Variants in CXADR observed in about 807,000 individuals in gnomAD.
CXADR encodes CXADR cell adhesion molecule, also known as coxsackievirus and adenovirus receptor.
In CXADR, 20 loss-of-function variants were observed where a neutral mutation model predicts 40.3. That is an observed-to-expected ratio of 0.50 (90% CI 0.35 to 0.72). The LOEUF is 0.72. CXADR is among the 30% of genes least tolerant of loss of function. The pLI, the probability that CXADR is intolerant of heterozygous loss-of-function variation, is 0.01. For synonymous variants in CXADR, 150 were observed against 161.3 expected (o/e 0.93, Z 0.53); for missense variants, 332 against 449.1 (o/e 0.74, Z 2.36).
At chr21:17,613,244 G>C in the CXADR span, 1 of 152,186 alleles carries the variant, frequency 6.6e-6, no homozygotes, top group Non-Finnish European at 1.5e-5. Flanking sequence ...CGCGGGCTTG[G>C]TCCTTTCGGC....
the CXADR span, among the ~76,000 whole-genome samples, chr21:17,600,094 G>A: frequency 1.3e-5 from 2 of 151,728 alleles, no homozygotes; most frequent in African/African-American, 2.4e-5. Context: ...GAAGATTTTT[G>A]ATTTTTTTTA....
intron 6 of CXADR, among the ~76,000 whole-genome samples, 200 bp downstream of exon 6, chr21:17,561,676 C>T (rs1463194956): frequency 6.6e-6 from 1 of 152,194 alleles, no homozygotes; most frequent in East Asian, 1.9e-4. Flanking sequence ...GTGCCCCGCT[C>T]CCCAACCTTC....
intron 3 of CXADR, among the ~76,000 whole-genome samples, chr21:17,558,088 T>G (rs2061058959): frequency 6.6e-6 from 1 of 152,056 alleles, no homozygotes; most frequent in South Asian, 2.1e-4. Flanking sequence ...TTCCTTTTTT[T>G]TTTTTTAATT....
At position 17,513,651 on chromosome 21, in the gene CXADR, G is replaced by A. The variant is rs74763524; in HGVS notation, c.43+479G>A. 5.6e-3 allele frequency among the ~76,000 whole-genome samples: 858 copies of A among 152,342 alleles called. 31 individuals are homozygous for A. In the East Asian group the frequency reaches 0.11, roughly 19 times the overall value. On this transcript the variant is annotated intron_variant, in intron 1 of 6. Transcript: ENST00000284878. Reference sequence around the variant, plus strand: ...GCAAACGCCATTATTCAATGGACATGGAGCTGCCCGGTGCCTCGGATCGGC... The same window carrying A: ...GCAAACGCCATTATTCAATGGACATAGAGCTGCCCGGTGCCTCGGATCGGC...
chr21:17,604,243 G>A, the CXADR span: 1 of 494,218 alleles, frequency 2.0e-6, no homozygotes, highest in Non-Finnish European at 3.3e-6. Flanking sequence ...GAGTTTGAGA[G>A]CAGTCTGGCC....
At chr21:17,574,996 CACACAT>C (rs1160555036), downstream of CXADR, among the ~76,000 whole-genome samples, 16 of 7,544 alleles carry the variant, frequency 2.1e-3, no homozygotes, top group Non-Finnish European at 5.1e-3. Context: ...CATATATACA[CACACAT>C]ACATACATAC....
At chr21:17,551,655 T>TC in intron 2 of CXADR, 94 bp from the exon 3 acceptor site, 2 of 1,058,574 alleles carry the variant, frequency 1.9e-6, no homozygotes, top group South Asian at 3.2e-5. Flanking sequence ...GAGGGGGCGT[T>TC]CTGTAGCAGC....
the CXADR span, among the ~76,000 whole-genome samples, chr21:17,620,034 G>A: frequency 6.6e-6 from 1 of 152,106 alleles, no homozygotes; most frequent in African/African-American, 2.4e-5. Flanking sequence ...CTCCATATCA[G>A]CAATATCATG....
rs1206664540 is a variant in CXADR at position 17,561,325 on chromosome 21, C to A, written c.695-13C>A. 4 of 1,496,836 alleles carry A rather than the reference C, an allele frequency of 2.7e-6. No individual in the cohort carries two copies. Among genetic ancestry groups the A allele is most frequent in the African/African-American group, 1.4e-5 (1 of 70,600 alleles). The allele number at this position is 1,496,836 out of a possible 1,614,324, so 92.7% of individuals were successfully genotyped here. On this transcript the variant is annotated splice_polypyrimidine_tract_variant and intron_variant, in intron 5 of 6. Coordinates refer to ENST00000284878, the MANE Select transcript of CXADR (RefSeq NM_001338.5). ...ATGTATATATTTTTTACTATTAATT[C>A]TTCTTATTTTAGCTTCAAATAAAGC...
intron 7 of CXADR, among the ~76,000 whole-genome samples, chr21:17,589,465 G>A (rs1396530588): frequency 6.6e-6 from 1 of 151,962 alleles, no homozygotes; most frequent in Non-Finnish European, 1.5e-5. Flanking sequence ...AGATCAAAAT[G>A]TTGAAAGTAG....
the CXADR span, among the ~76,000 whole-genome samples, chr21:17,606,713 T>G: frequency 9.2e-5 from 14 of 152,278 alleles, no homozygotes; most frequent in African/African-American, 3.4e-4. Flanking sequence ...TACTTATCCA[T>G]TAACTACTCT....
downstream of CXADR, among the ~76,000 whole-genome samples, chr21:17,571,375 C>T (rs1224857002): frequency 1.3e-5 from 2 of 152,128 alleles, no homozygotes; most frequent in East Asian, 3.9e-4. Flanking sequence ...TACAGACTTT[C>T]AAGGAATCGA....
At chr21:17,513,248 T>C in intron 1 of CXADR, 76 bp downstream of exon 1, 1 of 1,260,300 alleles carries the variant, frequency 7.9e-7, no homozygotes, top group Non-Finnish European at 1.0e-6. Context: ...CCAGGAACAA[T>C]GGGGCGTGGG....
At chr21:17,533,480 A>G (rs2060704258) in intron 1 of CXADR, among the ~76,000 whole-genome samples, 2 of 152,218 alleles carry the variant, frequency 1.3e-5, no homozygotes, top group Admixed American at 6.5e-5. Flanking sequence ...TTCTACATAC[A>G]GAGTGAGTGT....
At chr21:17,543,254 G>A (rs1401622400) in intron 1 of CXADR, among the ~76,000 whole-genome samples, 1 of 152,010 alleles carries the variant, frequency 6.6e-6, no homozygotes, top group Non-Finnish European at 1.5e-5. Flanking sequence ...AGATTATTTT[G>A]TTACACATAT....
chr21:17,567,074 T>G lies in CXADR; in HGVS notation c.*1382T>G, dbSNP rs2061219419. The G allele has an allele frequency of 1.0e-6, 1 of 979,462 alleles. No homozygotes were observed. Among genetic ancestry groups the G allele is most frequent in the Non-Finnish European group, 1.2e-6 (1 of 824,670 alleles). 60.7% of individuals were successfully genotyped at this position (979,462 alleles called of 1,614,324 possible). ...GGGTTTATTGTATTTCCCTTAAGATTGTGAGGGAGTGTGGATACAGTAGAA... is the reference window on the plus strand; with the variant it reads ...GGGTTTATTGTATTTCCCTTAAGATGGTGAGGGAGTGTGGATACAGTAGAA... On this transcript the variant is annotated 3_prime_UTR_variant, in exon 7 of 7. Transcript: ENST00000284878.
At chr21:17,586,617 T>G (rs2061398421) in intron 7 of CXADR, among the ~76,000 whole-genome samples, 1 of 151,708 alleles carries the variant, frequency 6.6e-6, no homozygotes, top group Non-Finnish European at 1.5e-5. Flanking sequence ...TATAGTTTCA[T>G]AACTTACGTG....
At position 17,529,273 on chromosome 21, in the gene CXADR, C is replaced by T. The variant is rs1021836578; in HGVS notation, c.43+16101C>T. On this transcript the variant is annotated intron_variant, in intron 1 of 6. Coordinates refer to ENST00000284878, the MANE Select transcript of CXADR (RefSeq NM_001338.5). ...GTGTCGAACTCCTGACTTCGTGATT[C>T]ACCCGCCTCGGCCTTCCAAAGTGCT... is the stretch of plus-strand genomic sequence containing the variant. 7.2e-5 allele frequency among the ~76,000 whole-genome samples: 11 copies of T among 151,750 alleles called. 1 individual carries two copies. Among genetic ancestry groups the T allele is most frequent in the African/African-American group, 2.4e-5 (1 of 41,320 alleles).
chr21:17,587,278 G>T (rs1295937279), intron 7 of CXADR, among the ~76,000 whole-genome samples: 1 of 152,024 alleles, frequency 6.6e-6, no homozygotes, highest in African/African-American at 2.4e-5. Context: ...TGGGTCAAAT[G>T]GTATTTCTAG....
Sources: gnomAD v4.1 joint callset for allele counts (sites outside exome capture counted in the v4.1 genomes callset) on GRCh38, gnomAD v4.1.1 for gene constraint, MANE v1.5 for transcripts, NCBI Gene and HGNC (gene_info 2026-07-23, HGNC 2026-07-21) for gene names.